The following ZNF184 variants were observed in gnomAD, a reference collection of about 807,000 sequenced individuals.
The protein encoded by ZNF184 is zinc finger protein 184.
In ZNF184, 16 loss-of-function variants were observed where a neutral mutation model predicts 54.4. The observed-to-expected ratio is 0.29, with a 90% confidence interval of 0.20 to 0.45. The LOEUF (loss-of-function observed/expected upper bound fraction) is 0.45. Ranked by LOEUF, ZNF184 falls within the 20% of genes least tolerant of loss-of-function variation. ZNF184 has a pLI of 1.00. For missense variants in ZNF184, 681 were observed against 888.2 expected, an observed-to-expected ratio of 0.77 and a Z score of 2.97; for synonymous variants, 254 against 295.3, an observed-to-expected ratio of 0.86 and a Z score of 1.43.
At chr6:27,455,130 A>G (rs1762823899) in intron 5 of ZNF184, among the ~76,000 whole-genome samples, 1 of 152,206 alleles carries the variant, frequency 6.6e-6, no homozygotes, top group Non-Finnish European at 1.5e-5. Flanking sequence ...ATAAAGACAA[A>G]AGCAGCCAAC....
intron 3 of ZNF184, among the ~76,000 whole-genome samples, chr6:27,467,000 T>A (rs4713104): frequency 0.65 from 99,181 of 152,058 alleles, 32,648 homozygotes; most frequent in Middle Eastern, 0.76. Flanking sequence ...CTTGCCATAA[T>A]CCATCTCTTC....
chr6:27,449,255 T>C (rs1347535906), downstream of ZNF184, among the ~76,000 whole-genome samples: 1 of 152,222 alleles, frequency 6.6e-6, no homozygotes, highest in Non-Finnish European at 1.5e-5. Flanking sequence ...AAATTACACA[T>C]GAAGGTATTA....
chr6:27,442,878 GAA>G, the ZNF184 span, among the ~76,000 whole-genome samples: 3,563 of 25,304 alleles, frequency 0.14, 441 homozygotes, highest in Middle Eastern at 0.3. Flanking sequence ...AAGAAAGAAA[GAA>G]AAAGAAAAAA....
chr6:27,423,781 A>G, the ZNF184 span, among the ~76,000 whole-genome samples: 7 of 152,196 alleles, frequency 4.6e-5, no homozygotes, highest in African/African-American at 9.7e-5. Flanking sequence ...AAAATGTTAT[A>G]ATTTATACTT....
In ZNF184 at chr6:27,451,550, T is replaced by C. The variant is rs140488380; in HGVS notation, c.2009A>G (p.Tyr670Cys). 15 of 1,614,056 alleles carry C rather than the reference T, an allele frequency of 9.3e-6. No individual in the cohort carries two copies. The African/African-American group carries it at 9.3e-5, about 10-fold the overall frequency. ...GGCTTTGTCACATTCATTGCACTTA[T>C]AGGGCTTCTCCCCAGTGTGAATTCG... is the stretch of plus-strand genomic sequence containing the variant. ...HQRIHTGEKPYKCNECDKAFS... is the reference protein window; with the variant it reads ...HQRIHTGEKPCKCNECDKAFS... The change falls in exon 6 of 6, where the codon TAT (tyrosine) becomes TGT (cysteine). Residue 670 changes from tyrosine to cysteine, a missense_variant. By Grantham distance (194) the Tyr-to-Cys change is radical (BLOSUM62 -2). Transcript: ENST00000683788.
the ZNF184 span, among the ~76,000 whole-genome samples, chr6:27,412,567 A>G: frequency 3.3e-5 from 5 of 152,238 alleles, no homozygotes; most frequent in African/African-American, 1.2e-4. Context: ...GTAAATATTG[A>G]CGAAAAGAGT....
At chr6:27,467,941 CAT>C (rs758171705) in intron 2 of ZNF184, 21 bp from the exon 3 acceptor site, 1 of 1,556,966 alleles carries the variant, frequency 6.4e-7, no homozygotes, top group South Asian at 1.2e-5. Context: ...AAGCAGGAGC[CAT>C]ATGACTTCTG....
chr6:27,463,631 C>T (rs1179487141), intron 3 of ZNF184, among the ~76,000 whole-genome samples: 2 of 151,792 alleles, frequency 1.3e-5, no homozygotes, highest in South Asian at 2.1e-4. Context: ...CACCAAAATA[C>T]ATCATAATCA....
chr6:27,447,072 CA>C (rs1321698681), downstream of ZNF184, among the ~76,000 whole-genome samples: 4,271 of 32,004 alleles, frequency 0.13, 86 homozygotes, highest in African/African-American at 0.16. Flanking sequence ...CCACTGCAAT[CA>C]AAAAAAAAAA....
At chr6:27,456,058 G>C (rs2113716396) in intron 5 of ZNF184, among the ~76,000 whole-genome samples, 2 of 152,240 alleles carry the variant, frequency 1.3e-5, no homozygotes, top group Non-Finnish European at 2.9e-5. Flanking sequence ...AGGAGTTCAA[G>C]ACCAGCCTGG....
chr6:27,457,487 G>A lies in ZNF184; in HGVS notation c.76-78C>T, dbSNP rs114235597. On this transcript the variant is annotated intron_variant, in intron 3 of 5. Coordinates refer to ENST00000683788, the MANE Select transcript of ZNF184 (RefSeq NM_001318891.2). Reference sequence around the variant, plus strand: ...GGTAAAGTTAGCAATACTGACAGAAGTAAGGCAGTCTATAGGATGTCTGCA... The same window carrying A: ...GGTAAAGTTAGCAATACTGACAGAAATAAGGCAGTCTATAGGATGTCTGCA... 1,798 of 1,520,442 alleles carry A rather than the reference G, an allele frequency of 1.2e-3. 21 individuals carry two copies. In the African/African-American group the frequency reaches 0.021, roughly 18 times the overall value. 94.2% of individuals were successfully genotyped at this position (1,520,442 alleles called of 1,614,324 possible).
intron 2 of ZNF184, among the ~76,000 whole-genome samples, chr6:27,471,264 C>T (rs918542368): frequency 6.6e-6 from 1 of 152,112 alleles, no homozygotes; most frequent in Non-Finnish European, 1.5e-5. Flanking sequence ...AGTTAAGGCA[C>T]TGAATAACTA....
At chr6:27,407,303 C>T in the ZNF184 span, among the ~76,000 whole-genome samples, 1 of 152,236 alleles carries the variant, frequency 6.6e-6, no homozygotes, top group South Asian at 2.1e-4. Flanking sequence ...GTCTCTCACA[C>T]TGTCCACCCT....
Position 27,452,687 on chromosome 6 carries a change from G to A in ZNF184, c.872C>T (p.Pro291Leu). ...AATTCTTTGATGTTGAGTAAGAGATGGACCCTCAATGAAGCCTTTTCCACA... is the reference window on the plus strand; with the variant it reads ...AATTCTTTGATGTTGAGTAAGAGATAGACCCTCAATGAAGCCTTTTCCACA... ...DQCGKGFIEG[P>L]SLTQHQRIHT... The change falls in exon 6 of 6, where the codon CCA becomes CTA. Residue 291 changes from proline to leucine, a missense_variant. Transcript: ENST00000683788. The surrounding 1 kb of genome is among the most constrained non-coding windows in gnomAD (Gnocchi z 5.5). The A allele has an allele frequency of 6.2e-7, 1 of 1,613,998 alleles. No homozygotes were observed. Among genetic ancestry groups the A allele is most frequent in the Non-Finnish European group, 8.5e-7 (1 of 1,179,994 alleles).
the ZNF184 span, among the ~76,000 whole-genome samples, chr6:27,422,205 AAAGAAAG>A: frequency 1.6e-3 from 166 of 104,418 alleles, 6 homozygotes; most frequent in African/African-American, 5.0e-3. Context: ...AGAAAGAAAG[AAAGAAAG>A]AAAGAAAAGA....
At chr6:27,449,683 T>C (rs565741795), downstream of ZNF184, among the ~76,000 whole-genome samples, 7 of 152,030 alleles carry the variant, frequency 4.6e-5, no homozygotes, top group African/African-American at 9.7e-5. Context: ...AAGCCCAGTT[T>C]GAGGCTGCAG....
chr6:27,437,130 C>T, the ZNF184 span, among the ~76,000 whole-genome samples: 6 of 152,122 alleles, frequency 3.9e-5, no homozygotes, highest in Non-Finnish European at 8.8e-5. Context: ...TGGACCCTTC[C>T]GTTTCTAGTA....
At chr6:27,434,642 T>C in the ZNF184 span, among the ~76,000 whole-genome samples, 1 of 152,230 alleles carries the variant, frequency 6.6e-6, no homozygotes, top group Non-Finnish European at 1.5e-5. Flanking sequence ...TGTCCTTTGA[T>C]GCACAAAAGT....
chr6:27,433,976 T>TCCTTCCTTCCTTCCTTCCTCTCCCTC, the ZNF184 span, among the ~76,000 whole-genome samples: 1 of 136,148 alleles, frequency 7.3e-6, no homozygotes, highest in African/African-American at 2.8e-5. Context: ...CTCCCTCCCT[T>TCCTTCCTTCCTTCCTTCCTCTCCCTC]CCTTCCTTCC....
Sources: gnomAD v4.1 joint callset for allele counts (sites outside exome capture counted in the v4.1 genomes callset) on GRCh38, gnomAD v4.1.1 for gene constraint, Gnocchi (gnomAD v3.1) non-coding constraint, MANE v1.5 for transcripts, NCBI Gene and HGNC (gene_info 2026-07-23, HGNC 2026-07-21) for gene names.